Variants in GTPBP8 observed in about 807,000 individuals in gnomAD.
The protein encoded by GTPBP8 is GTP-binding protein 8.
Under a neutral mutation model 27.3 loss-of-function variants are expected in GTPBP8, and 21 were observed. That is an observed-to-expected ratio of 0.77 (90% CI 0.55 to 1.11). The LOEUF (loss-of-function observed/expected upper bound fraction) is 1.11, where lower values mean the gene tolerates loss of function less well. GTPBP8 is among the 50% of genes least tolerant of loss of function. The pLI is 0.00. For missense variants in GTPBP8, 380 were observed against 350.8 expected (o/e 1.08, Z -0.67); for synonymous variants, 147 against 135.3 (o/e 1.09, Z -0.60).
rs924843453 is a variant in GTPBP8, at chr3:113,000,752, A to G, written c.786-98A>G. 2.8e-5 allele frequency: 20 copies of G among 708,486 alleles called. 1 individual carries two copies. The African/African-American group carries it at 3.4e-4, about 12-fold the overall frequency. 43.9% of individuals were successfully genotyped at this position (708,486 alleles called of 1,614,324 possible). A position where few individuals can be genotyped will look rare whatever the true frequency, so the allele number is the denominator to read the frequency against. On this transcript the variant is annotated intron_variant, in intron 5 of 5. Transcript: ENST00000383678. ...ACATTAAAAGATGTTCTGCTTTCATATATGAAATCATAAGAATTTGTAAAT... is the reference window on the plus strand; with the variant it reads ...ACATTAAAAGATGTTCTGCTTTCATGTATGAAATCATAAGAATTTGTAAAT...
In GTPBP8 at chr3:113,001,708, G is replaced by T. The variant is rs1167361947; in HGVS notation, c.*789G>T. The T allele has an allele frequency of 6.6e-6, 1 of 151,902 alleles. No individual in the cohort carries two copies. The highest frequency in any genetic ancestry group is 1.5e-5 in the Non-Finnish European group (1 of 67,934). The allele number at this position is 151,902 out of a possible 1,614,324, so 9.4% of individuals were successfully genotyped here. A position where few individuals can be genotyped will look rare whatever the true frequency, so the allele number is the denominator to read the frequency against. On this transcript the variant is annotated 3_prime_UTR_variant, in exon 6 of 6. Coordinates refer to ENST00000383678, the MANE Select transcript of GTPBP8 (RefSeq NM_014170.4). ...TGGGGGAAGTAACATTTTCACTAGT[G>T]AAAAAGCAAAAAACAAAAATAGCTT... is the stretch of plus-strand genomic sequence containing the variant.
rs34779191 is a variant in GTPBP8 at position 113,000,944 on chromosome 3, CAA to C, written c.*40_*41del. On this transcript the variant is annotated 3_prime_UTR_variant, in exon 6 of 6. Transcript: ENST00000383678. Reference sequence around the variant, plus strand: ...ATGGTTCCCGGTTTAGCTGAAGATTCAAAAAAAAAAAAAAAAGCTTTATGCTA... The same window carrying C: ...ATGGTTCCCGGTTTAGCTGAAGATTCAAAAAAAAAAAAAAGCTTTATGCTA... The C allele has an allele frequency of 0.058, 45,242 of 780,642 alleles. 4 individuals are homozygous for C. The highest frequency in any genetic ancestry group is 0.076 in the South Asian group (4,296 of 56,368). The allele number at this position is 780,642 out of a possible 1,614,324, so 48.4% of individuals were successfully genotyped here. A position where few individuals can be genotyped will look rare whatever the true frequency, so the allele number is the denominator to read the frequency against.
chr3:112,992,795 T>C (rs758199098), intron 1 of GTPBP8, among the ~76,000 whole-genome samples: 4 of 152,222 alleles, frequency 2.6e-5, no homozygotes, highest in African/African-American at 4.8e-5. Flanking sequence ...TCTAGCTGTA[T>C]AATTTTGGGT....
At chr3:112,994,235 C>T (rs1933741904) in intron 2 of GTPBP8, among the ~76,000 whole-genome samples, 1 of 152,090 alleles carries the variant, frequency 6.6e-6, no homozygotes, top group Non-Finnish European at 1.5e-5. Flanking sequence ...ACCAGCCTGA[C>T]CAACATGGAG....
intron 4 of GTPBP8, among the ~76,000 whole-genome samples, chr3:112,997,680 G>A (rs1933811628): frequency 6.6e-6 from 1 of 152,116 alleles, no homozygotes; most frequent in Admixed American, 6.5e-5. Flanking sequence ...ATGTAACAGT[G>A]GAGTTTAGTA....
At chr3:112,994,417 C>CT (rs1181141764) in intron 2 of GTPBP8, among the ~76,000 whole-genome samples, 1 of 143,554 alleles carries the variant, frequency 7.0e-6, no homozygotes, top group Admixed American at 6.9e-5. Flanking sequence ...GAGTGAAACT[C>CT]TGTCTCAAAA....
chr3:112,999,323 G>A, intron 4 of GTPBP8, 123 bp from the exon 5 acceptor site: 1 of 495,016 alleles, frequency 2.0e-6, no homozygotes, highest in East Asian at 3.1e-5. Flanking sequence ...TATAGATGAG[G>A]AAATAGGTAC....
chr3:112,996,082 G>A (rs550195599), intron 3 of GTPBP8, among the ~76,000 whole-genome samples: 1 of 152,194 alleles, frequency 6.6e-6, no homozygotes, highest in South Asian at 2.1e-4. Context: ...TTTACATAAG[G>A]GGTAAAATCA....
rs746538407 is a variant in GTPBP8, at chr3:112,995,121, AT to A, written c.436-11del. The A allele has an allele frequency of 5.8e-6, 9 of 1,563,510 alleles. No homozygotes were observed. In the South Asian group the frequency reaches 9.5e-5, roughly 16 times the overall value. On this transcript the variant is annotated splice_polypyrimidine_tract_variant and intron_variant, in intron 2 of 5. Coordinates refer to ENST00000383678, the MANE Select transcript of GTPBP8 (RefSeq NM_014170.4). ...ATCTTAAGACAGCTTTTCTTTTTCTATTTACTTTATCAGGGACACACAAAGA... is the reference window on the plus strand; with the variant it reads ...ATCTTAAGACAGCTTTTCTTTTTCTATTACTTTATCAGGGACACACAAAGA...
chr3:113,001,035 G>A lies in GTPBP8; in HGVS notation c.*116G>A, dbSNP rs1933896896. On this transcript the variant is annotated 3_prime_UTR_variant, in exon 6 of 6. Coordinates refer to ENST00000383678, the MANE Select transcript of GTPBP8 (RefSeq NM_014170.4). ...TAAATGTTGTGCATCTGTAACTTCA[G>A]GAGGATCACTTGAGCTTTAAAACCT... is the stretch of plus-strand genomic sequence containing the variant. 1 of 629,194 alleles carries A rather than the reference G, an allele frequency of 1.6e-6. No homozygotes were observed. The highest frequency in any genetic ancestry group is 2.7e-6 in the Non-Finnish European group (1 of 363,708). The allele number at this position is 629,194 out of a possible 1,614,324, so 39.0% of individuals were successfully genotyped here. A position where few individuals can be genotyped will look rare whatever the true frequency, so the allele number is the denominator to read the frequency against.
At chr3:112,994,204 A>C (rs1348123269) in intron 2 of GTPBP8, among the ~76,000 whole-genome samples, 1 of 152,132 alleles carries the variant, frequency 6.6e-6, no homozygotes, top group Non-Finnish European at 1.5e-5. Flanking sequence ...CTGGCCAATC[A>C]CCTGAGGTTG....
chr3:112,997,598 T>A (rs1233228016), intron 4 of GTPBP8, among the ~76,000 whole-genome samples: 2 of 152,236 alleles, frequency 1.3e-5, no homozygotes, highest in East Asian at 3.8e-4. Flanking sequence ...ATGGCACTCT[T>A]AAAGTTTCTT....
At chr3:112,991,696 T>C (rs1933684604) in intron 1 of GTPBP8, 1 of 430,792 alleles carries the variant, frequency 2.3e-6, no homozygotes, top group Admixed American at 3.2e-5. Context: ...TTCAAAAAAT[T>C]AACTCTCCTT....
At chr3:112,996,303 CAA>C (rs1382205449) in intron 3 of GTPBP8, among the ~76,000 whole-genome samples, 1 of 136,786 alleles carries the variant, frequency 7.3e-6, no homozygotes. Flanking sequence ...ACTAAAAATA[CAA>C]AAAAAAAAAA....
intron 3 of GTPBP8, among the ~76,000 whole-genome samples, chr3:112,996,470 CAAA>C (rs918961537): frequency 6.9e-6 from 1 of 145,176 alleles, no homozygotes; most frequent in African/African-American, 2.5e-5. Context: ...TCTAAAAAAA[CAAA>C]AAAAAAAATT....
chr3:112,991,581 C>A (rs1216976686), intron 1 of GTPBP8: 1 of 677,438 alleles, frequency 1.5e-6, no homozygotes, highest in South Asian at 1.5e-5. Flanking sequence ...ATCGTTAAGT[C>A]GACCCACTGT....
intron 2 of GTPBP8, among the ~76,000 whole-genome samples, chr3:112,994,551 T>C (rs1357426317): frequency 6.6e-6 from 1 of 152,232 alleles, no homozygotes; most frequent in East Asian, 1.9e-4. Flanking sequence ...ACAAATGTTT[T>C]GTAATTATCA....
intron 3 of GTPBP8, among the ~76,000 whole-genome samples, chr3:112,995,504 T>C (rs1363930827): frequency 1.3e-5 from 2 of 152,140 alleles, no homozygotes; most frequent in African/African-American, 2.4e-5. Context: ...TTTTCCCAAA[T>C]TGAGATTGAG....
intron 1 of GTPBP8, chr3:112,992,064 T>A (rs954660485): frequency 3.3e-5 from 5 of 152,780 alleles, no homozygotes; most frequent in African/African-American, 1.2e-4. Context: ...TATGTGGAAC[T>A]ATAGTCAGGA....
Sources: allele counts gnomAD v4.1 joint callset (sites outside exome capture counted in the v4.1 genomes callset), GRCh38; gene constraint gnomAD v4.1.1; transcripts MANE v1.5; gene names NCBI Gene and HGNC (gene_info 2026-07-23, HGNC 2026-07-21).